MBOAT7: variants seen among roughly 807,000 people sequenced by gnomAD.
MBOAT7 encodes the protein membrane bound acylglycerophosphatidylinositol O-acyltransferase MBOAT7.
MBOAT7 carries 40 observed loss-of-function variants against 47.4 expected under a neutral mutation model. The ratio of observed to expected loss-of-function variants is 0.84; its 90% CI spans 0.66 to 1.10. The LOEUF is 1.10. Among genes scored for constraint, MBOAT7 ranks in the 50% least tolerant of loss-of-function variants. The pLI is 0.00. For missense variants in MBOAT7, 680 were observed against 655.6 expected, an observed-to-expected ratio of 1.04 and a Z score of -0.41; for synonymous variants, 361 against 292.0, an observed-to-expected ratio of 1.24 and a Z score of -2.41.
intron 4 of MBOAT7, among the ~76,000 whole-genome samples, chr19:54,185,081 G>A (rs1001820432): frequency 6.6e-6 from 1 of 151,262 alleles, no homozygotes; most frequent in Non-Finnish European, 1.5e-5. Context: ...GTGGTGGTGG[G>A]CGCCTGTAGT....
intron 4 of MBOAT7, among the ~76,000 whole-genome samples, chr19:54,186,235 G>A (rs566865331): frequency 4.8e-4 from 71 of 149,128 alleles, no homozygotes; most frequent in African/African-American, 1.6e-3. Flanking sequence ...GGCTGGTCTT[G>A]AACTCCCGAC....
intron 4 of MBOAT7, among the ~76,000 whole-genome samples, chr19:54,183,973 C>T (rs962578126): frequency 3.3e-5 from 5 of 152,130 alleles, no homozygotes; most frequent in African/African-American, 9.7e-5. Context: ...CCTATCCAAT[C>T]AAGTGGCTTA....
In MBOAT7 at chr19:54,178,087, T is replaced by C. The variant is rs552150712; in HGVS notation, c.1031+678A>G. Among the ~76,000 whole-genome samples the C allele has an allele frequency of 2.6e-5, 4 of 151,626 alleles. No homozygotes were observed. In the South Asian group the frequency reaches 6.3e-4, roughly 24 times the overall value. Reference sequence around the variant, plus strand: ...CACCACACCAGGGTAATTTTTTGTATTTTTAGTAGAGACAGCATGTCACCA... The same window carrying C: ...CACCACACCAGGGTAATTTTTTGTACTTTTAGTAGAGACAGCATGTCACCA... On this transcript the variant is annotated intron_variant, in intron 7 of 7. Coordinates refer to ENST00000245615, the MANE Select transcript of MBOAT7 (RefSeq NM_024298.5).
At chr19:54,178,006 G>A (rs1482369269) in intron 7 of MBOAT7, among the ~76,000 whole-genome samples, 2 of 140,786 alleles carry the variant, frequency 1.4e-5, no homozygotes, top group East Asian at 2.2e-4. Flanking sequence ...TGCCTCCCGG[G>A]TTCAAGCCAT....
At position 54,182,619 on chromosome 19, in the gene MBOAT7, T is replaced by C. The variant is rs576527347; in HGVS notation, c.493+902A>G. On this transcript the variant is annotated intron_variant, in intron 5 of 7. Coordinates refer to ENST00000245615, the MANE Select transcript of MBOAT7 (RefSeq NM_024298.5). ...AAAAAAACCTTTGATGAGGTAAACA[T>C]TAATGAAAAATATTTTCTTTTTAAA... Among the ~76,000 whole-genome samples the C allele has an allele frequency of 1.9e-4, 29 of 152,166 alleles. No individual in the cohort carries two copies. The South Asian group carries it at 3.7e-3, about 20-fold the overall frequency.
chr19:54,187,895 A>G (rs36627), intron 3 of MBOAT7, among the ~76,000 whole-genome samples: 59,151 of 151,576 alleles, frequency 0.39, 12,274 homozygotes, highest in East Asian at 0.57. Flanking sequence ...CATGCCTGTA[A>G]TCCCAGCTAC....
intron 7 of MBOAT7, among the ~76,000 whole-genome samples, chr19:54,176,695 T>A (rs1294983094): frequency 6.6e-6 from 1 of 152,088 alleles, no homozygotes; most frequent in Non-Finnish European, 1.5e-5. Flanking sequence ...TTGCCCCCAG[T>A]TGAGAAGCAC....
intron 7 of MBOAT7, among the ~76,000 whole-genome samples, chr19:54,175,022 C>A (rs1003540985): frequency 1.4e-5 from 2 of 144,314 alleles, no homozygotes; most frequent in Non-Finnish European, 3.0e-5. Flanking sequence ...GTCGCCCAGG[C>A]TAGAGTGCAG....
intron 3 of MBOAT7, among the ~76,000 whole-genome samples, chr19:54,187,600 G>A (rs181060587): frequency 3.3e-5 from 5 of 152,290 alleles, no homozygotes; most frequent in African/African-American, 9.6e-5. Flanking sequence ...AGAGAGAGGT[G>A]GATATGAATG....
chr19:54,175,168 CG>C (rs2076065640), intron 7 of MBOAT7, among the ~76,000 whole-genome samples: 3 of 151,786 alleles, frequency 2.0e-5, no homozygotes, highest in South Asian at 2.1e-4. Flanking sequence ...TTAGTAGAGA[CG>C]GGGTTTCACC....
chr19:54,179,263 G>A, intron 6 of MBOAT7: 1 of 431,394 alleles, frequency 2.3e-6, no homozygotes, highest in Non-Finnish European at 4.2e-6. Flanking sequence ...ACCAAGCTCA[G>A]TATATTCAGA....
intron 1 of MBOAT7, among the ~76,000 whole-genome samples, chr19:54,188,981 C>A (rs1389816272): frequency 6.6e-6 from 1 of 151,878 alleles, no homozygotes; most frequent in African/African-American, 2.4e-5. Context: ...ACCCAGACCC[C>A]CTCTTTGGAT....
chr19:54,177,907 T>TTG (rs1555834082), intron 7 of MBOAT7, among the ~76,000 whole-genome samples: 1 of 60,452 alleles, frequency 1.7e-5, no homozygotes, highest in Non-Finnish European at 4.2e-5. Flanking sequence ...TCTGTTTTTT[T>TTG]TTTTTTTTTT....
In MBOAT7 at chr19:54,174,434, G is replaced by C; in HGVS notation, c.1032-3C>G. The C allele has an allele frequency of 6.5e-7, 1 of 1,538,320 alleles. No individual in the cohort carries two copies. Among genetic ancestry groups the C allele is most frequent in the Non-Finnish European group, 8.7e-7 (1 of 1,143,178 alleles). On this transcript the variant is annotated splice_region_variant and splice_polypyrimidine_tract_variant and intron_variant, in intron 7 of 7. Transcript: ENST00000245615. ...TCAGCAGCATGGTCCAGGCGCTCCT[G>C]AGGAGGAGGCTGGGAGTCAGGACCT...
chr19:54,184,175 T>C (rs1307607128), intron 4 of MBOAT7, among the ~76,000 whole-genome samples: 3 of 121,436 alleles, frequency 2.5e-5, no homozygotes, highest in Non-Finnish European at 5.1e-5. Flanking sequence ...TTTTTTTTTT[T>C]TTTTTTTGAG....
chr19:54,176,348 G>A (rs1239358561), intron 7 of MBOAT7, among the ~76,000 whole-genome samples: 2 of 152,112 alleles, frequency 1.3e-5, no homozygotes, highest in African/African-American at 4.8e-5. Context: ...AGAGTGCGGA[G>A]GCTGGGTGCA....
At chr19:54,181,719 GA>G (rs2076279943) in intron 5 of MBOAT7, among the ~76,000 whole-genome samples, 1 of 65,848 alleles carries the variant, frequency 1.5e-5, no homozygotes, top group Non-Finnish European at 3.1e-5. Flanking sequence ...AGAAGGGAGG[GA>G]AGGAGGGAAG....
intron 4 of MBOAT7, among the ~76,000 whole-genome samples, chr19:54,184,045 T>G (rs1273262140): frequency 6.6e-6 from 1 of 152,024 alleles, no homozygotes; most frequent in South Asian, 2.1e-4. Flanking sequence ...AACATGATGT[T>G]ACCCACCCCA....
In MBOAT7 at chr19:54,173,867, G is replaced by T; in HGVS notation, c.*177C>A. ...TTGTAGGAGTGGAGGTGGCCTCTGG[G>T]CAGAGGGCAGGGAGGACACCCCCGG... On this transcript the variant is annotated 3_prime_UTR_variant, in exon 8 of 8. Transcript: ENST00000245615. 1 of 691,754 alleles carries T rather than the reference G, an allele frequency of 1.4e-6. No individual in the cohort carries two copies. Among genetic ancestry groups the T allele is most frequent in the Non-Finnish European group, 2.3e-6 (1 of 437,932 alleles). 42.9% of individuals were successfully genotyped at this position (691,754 alleles called of 1,614,324 possible).
Sources: gnomAD v4.1 joint callset for allele counts (sites outside exome capture counted in the v4.1 genomes callset) on GRCh38, gnomAD v4.1.1 for gene constraint, MANE v1.5 for transcripts, NCBI Gene and HGNC (gene_info 2026-07-23, HGNC 2026-07-21) for gene names.